EML6: variants seen among roughly 807,000 people sequenced by gnomAD.
The protein encoded by EML6 is echinoderm microtubule-associated protein-like 6.
EML6 carries 154 observed loss-of-function variants against 240.1 expected under a neutral mutation model. The observed-to-expected ratio is 0.64, with a 90% CI of 0.56 to 0.73. The LOEUF (loss-of-function observed/expected upper bound fraction) is 0.73. Ranked by LOEUF, EML6 falls within the 30% of genes least tolerant of loss-of-function variation. EML6 has a pLI of 0.00. For missense variants in EML6, 2,964 were observed against 2,474.6 expected (o/e 1.20, Z -4.20); for synonymous variants, 1,148 against 899.0 (o/e 1.28, Z -4.95).
intron 2 of EML6, among the ~76,000 whole-genome samples, chr2:54,801,628 A>G (rs1670153257): frequency 6.6e-6 from 1 of 152,226 alleles, no homozygotes; most frequent in Non-Finnish European, 1.5e-5. Context: ...ATACAAAGGA[A>G]AATCGGTGAC....
At chr2:54,732,171 T>C (rs1683204575) in intron 2 of EML6, among the ~76,000 whole-genome samples, 1 of 152,184 alleles carries the variant, frequency 6.6e-6, no homozygotes, top group East Asian at 1.9e-4. Flanking sequence ...ATTGTTGAGT[T>C]CTAAGAGTTT....
At position 54,865,694 on chromosome 2, in the gene EML6, C is replaced by T. The variant is rs539191336; in HGVS notation, c.1933-1072C>T. On this transcript the variant is annotated intron_variant, in intron 13 of 41. Transcript: ENST00000356458. The stretch of plus-strand genomic sequence containing the variant: ...AAATATTCCAAGATCTGAAAAAAAT[C>T]TGAAATCCAAAACATTTCTGATCCC... 8.5e-5 allele frequency among the ~76,000 whole-genome samples: 13 copies of T among 152,318 alleles called. No individual in the cohort carries two copies. The South Asian group carries it at 2.5e-3, about 29-fold the overall frequency.
Position 54,844,235 on chromosome 2 carries a change from G to T in EML6, c.1036G>T (p.Asp346Tyr). 6.4e-7 allele frequency: 1 copy of T among 1,551,480 alleles called. No homozygotes were observed. Among genetic ancestry groups the T allele is most frequent in the South Asian group, 1.2e-5 (1 of 84,028 alleles). The change falls in exon 8 of 42, where the codon GAC becomes TAC. Residue 346 changes from aspartate (D) to tyrosine (Y), a missense_variant. Asp to Tyr is a radical substitution (Grantham distance 160). Coordinates refer to ENST00000356458, the MANE Select transcript of EML6 (RefSeq NM_001039753.4). Reference protein sequence around the residue: ...KKPLAVTGSDDRSVRLWSLAD... With the variant: ...KKPLAVTGSDYRSVRLWSLAD... ...GCCTCTGGCTGTGACAGGCAGCGATGACCGCTCTGTCAGGTGAGGCCCTAC... is the reference window on the plus strand; with the variant it reads ...GCCTCTGGCTGTGACAGGCAGCGATTACCGCTCTGTCAGGTGAGGCCCTAC...
chr2:54,842,814 C>T (rs17046412), intron 7 of EML6, among the ~76,000 whole-genome samples: 1 of 152,050 alleles, frequency 6.6e-6, no homozygotes, highest in African/African-American at 2.4e-5. Context: ...CTGAGAGGGA[C>T]GTGTGGACTT....
chr2:54,748,799 G>A (rs1293702386), intron 2 of EML6, among the ~76,000 whole-genome samples: 1 of 152,148 alleles, frequency 6.6e-6, no homozygotes, highest in African/African-American at 2.4e-5. Context: ...CTGGCATCAA[G>A]CAATCCTCCC....
At chr2:54,809,080 T>C (rs2104018690) in intron 2 of EML6, among the ~76,000 whole-genome samples, 1 of 152,316 alleles carries the variant, frequency 6.6e-6, no homozygotes, top group South Asian at 2.1e-4. Flanking sequence ...CAAAACTTTT[T>C]ATGTAGGTGT....
intron 16 of EML6, among the ~76,000 whole-genome samples, chr2:54,877,403 A>G (rs1671563812): frequency 6.6e-6 from 1 of 152,214 alleles, no homozygotes; most frequent in Admixed American, 6.5e-5. Flanking sequence ...ACATTCATTG[A>G]AAACTTGATT....
At chr2:54,785,679 T>G (rs1669050803) in intron 2 of EML6, among the ~76,000 whole-genome samples, 1 of 152,212 alleles carries the variant, frequency 6.6e-6, no homozygotes, top group Non-Finnish European at 1.5e-5. Context: ...TTTTAATGTT[T>G]TATTATACAT....
At chr2:54,961,188 T>TTTTTTTTTG (rs1676489438) in intron 35 of EML6, among the ~76,000 whole-genome samples, 3 of 106,692 alleles carry the variant, frequency 2.8e-5, no homozygotes, top group Non-Finnish European at 5.7e-5. Flanking sequence ...GAAGTAGTTT[T>TTTTTTTTTG]TTTTTTTTTT....
intron 2 of EML6, among the ~76,000 whole-genome samples, chr2:54,797,189 A>AAAAAAAAAAAAAAAAAAAAAAAC: frequency 7.2e-6 from 1 of 138,906 alleles, no homozygotes; most frequent in East Asian, 2.1e-4. Context: ...AAAAAAAAAA[A>AAAAAAAAAAAAAAAAAAAAAAAC]CTGTGATCTT....
intron 5 of EML6, among the ~76,000 whole-genome samples, chr2:54,826,309 G>A (rs927972644): frequency 6.6e-6 from 1 of 152,146 alleles, no homozygotes; most frequent in African/African-American, 2.4e-5. Flanking sequence ...CTATATCAAG[G>A]GCAGTGAGGT....
intron 2 of EML6, among the ~76,000 whole-genome samples, chr2:54,784,438 A>G (rs937864027): frequency 2.6e-5 from 4 of 152,230 alleles, no homozygotes; most frequent in African/African-American, 9.6e-5. Context: ...CAAAAGTGTT[A>G]TAAGACTTTA....
intron 28 of EML6, 46 bp downstream of exon 28, chr2:54,928,797 A>T: frequency 6.4e-7 from 1 of 1,550,556 alleles, no homozygotes; most frequent in Non-Finnish European, 8.7e-7. Context: ...CCTGATGACA[A>T]GAAACTTGTT....
intron 2 of EML6, among the ~76,000 whole-genome samples, chr2:54,790,842 C>T (rs910972784): frequency 6.6e-6 from 1 of 151,360 alleles, no homozygotes; most frequent in African/African-American, 2.4e-5. Context: ...TCTCCTGCCT[C>T]AGCCTCCCGA....
chr2:54,863,064 C>T (rs1389919615), intron 12 of EML6, among the ~76,000 whole-genome samples: 1 of 152,150 alleles, frequency 6.6e-6, no homozygotes, highest in Non-Finnish European at 1.5e-5. Context: ...TCATTTATCT[C>T]TGATGTCAGC....
chr2:54,768,566 T>G (rs1324148397), intron 2 of EML6, among the ~76,000 whole-genome samples: 1 of 152,240 alleles, frequency 6.6e-6, no homozygotes, highest in Non-Finnish European at 1.5e-5. Context: ...AATCTCTCTC[T>G]GTGGAATGTC....
Position 54,903,181 on chromosome 2 carries a change from A to G in EML6, c.3262A>G (p.Ile1088Val), listed in dbSNP as rs1212991629. 15 of 1,552,000 alleles carry G rather than the reference A, an allele frequency of 9.7e-6. No individual in the cohort carries two copies. The East Asian group carries it at 3.7e-4, about 38-fold the overall frequency. The change falls in exon 23 of 42, where the codon ATT (isoleucine) becomes GTT (valine). Residue 1088 changes from isoleucine to valine, a missense_variant. Transcript: ENST00000356458. ...TCACAGAAAAGAAATGATCTCTGAT[A>G]TTAAGTTTTCAAAAGGTGAAGATGA... ...FHHRKEMISDIKFSKDTGKYL... is the reference protein window; with the variant it reads ...FHHRKEMISDVKFSKDTGKYL...
chr2:54,954,333 C>T (rs1275828518), intron 32 of EML6, among the ~76,000 whole-genome samples, 177 bp downstream of exon 32: 1 of 152,218 alleles, frequency 6.6e-6, no homozygotes, highest in African/African-American at 2.4e-5. Flanking sequence ...GATGCCAGTG[C>T]ATCCCAGGGT....
chr2:54,931,107 G>A (rs561655093), intron 28 of EML6, among the ~76,000 whole-genome samples: 2,494 of 151,698 alleles, frequency 0.016, 51 homozygotes, highest in Admixed American at 0.07. Context: ...ACAGGCGCCC[G>A]CCACCATGCC....
Sources: gnomAD v4.1 joint callset for allele counts (sites outside exome capture counted in the v4.1 genomes callset) on GRCh38, gnomAD v4.1.1 for gene constraint, MANE v1.5 for transcripts, NCBI Gene and HGNC (gene_info 2026-07-23, HGNC 2026-07-21) for gene names.